Variants in ABCC1 observed in about 807,000 individuals in gnomAD.
ABCC1 encodes the protein ATP binding cassette subfamily C member 1 (ABCC1 blood group), also known as multidrug resistance-associated protein 1.
In ABCC1, 83 loss-of-function variants were observed where a neutral mutation model predicts 172.9. The ratio of observed to expected loss-of-function variants is 0.48; its 90% confidence interval spans 0.40 to 0.58. The LOEUF (loss-of-function observed/expected upper bound fraction) is 0.58, where lower values mean the gene tolerates loss of function less well. Among genes scored for constraint, ABCC1 ranks in the 20% least tolerant of loss-of-function variants. ABCC1 has a pLI of 0.00. For missense variants in ABCC1, 1,817 were observed against 2,002.7 expected (o/e 0.91, Z 1.77); for synonymous variants, 937 against 825.2 (o/e 1.14, Z -2.32).
intron 1 of ABCC1, among the ~76,000 whole-genome samples, chr16:15,970,450 T>G (rs2046341053): frequency 6.6e-6 from 1 of 152,226 alleles, no homozygotes; most frequent in African/African-American, 2.4e-5. Context: ...GCTGAAGATG[T>G]TACTCAGGGA....
chr16:16,114,835 TG>T lies in ABCC1; in HGVS notation c.3151del (p.Asp1051ThrfsTer11). On this transcript the variant is annotated frameshift_variant, in exon 23 of 31. Coordinates refer to ENST00000399410, the MANE Select transcript of ABCC1 (RefSeq NM_004996.4). LOFTEE classifies it high-confidence loss of function. ...GGILASRCLH[V>X]DLLHSILRSP... ...ATCTTGGCTTCCCGCTGTCTGCACG[TG>T]GACCTGCTGCACAGCATCCTGCGGT... 6.2e-7 allele frequency: 1 copy of T among 1,613,022 alleles called. No homozygotes were observed. Among genetic ancestry groups the T allele is most frequent in the Middle Eastern group, 1.7e-4 (1 of 6,060 alleles).
intron 1 of ABCC1, among the ~76,000 whole-genome samples, chr16:15,999,836 C>CTCTTTCTTTCTTTCTTTCTT (rs375541317): frequency 0.046 from 776 of 16,834 alleles, 92 homozygotes; most frequent in African/African-American, 0.058. Context: ...CTCTCTCTGT[C>CTCTTTCTTTCTTTCTTTCTT]TCTTTCTTTC....
chr16:15,972,482 C>T (rs770353096), intron 1 of ABCC1, among the ~76,000 whole-genome samples: 1 of 152,142 alleles, frequency 6.6e-6, no homozygotes, highest in Non-Finnish European at 1.5e-5. Flanking sequence ...CTCAAGGCCC[C>T]TAAATGGCTG....
chr16:16,093,979 CTTTTTTTTTTT>C (rs578261751), intron 19 of ABCC1, among the ~76,000 whole-genome samples: 1 of 106,658 alleles, frequency 9.4e-6, no homozygotes, highest in African/African-American at 4.0e-5. Flanking sequence ...TCCCTCTCTC[CTTTTTTTTTTT>C]TTTTTTTTTT....
At chr16:15,952,450 G>A (rs950525001) in intron 1 of ABCC1, among the ~76,000 whole-genome samples, 5 of 151,978 alleles carry the variant, frequency 3.3e-5, no homozygotes, top group African/African-American at 4.8e-5. Context: ...GCTACTGTCT[G>A]CCTCTGAGCC....
chr16:16,076,210 A>G (rs1596466386), intron 14 of ABCC1, 116 bp from the exon 15 acceptor site: 1 of 973,528 alleles, frequency 1.0e-6, no homozygotes, highest in East Asian at 2.8e-5. Flanking sequence ...AATAATGCCT[A>G]GCGCCATTCG....
intron 30 of ABCC1, 128 bp downstream of exon 30, chr16:16,138,686 T>A: frequency 1.7e-6 from 1 of 571,874 alleles, no homozygotes; most frequent in Non-Finnish European, 2.7e-6. Context: ...GTGGATCCTC[T>A]CTTCATCCTG....
chr16:15,966,776 G>A (rs994975131), intron 1 of ABCC1, among the ~76,000 whole-genome samples: 2 of 150,428 alleles, frequency 1.3e-5, no homozygotes, highest in African/African-American at 4.9e-5. Context: ...TTACCCTCCC[G>A]AGTGTCTTGG....
rs549742677 is a variant in ABCC1, at chr16:15,951,635, T to C, written c.48+1836T>C. On this transcript the variant is annotated intron_variant, in intron 1 of 30. Coordinates refer to ENST00000399410, the MANE Select transcript of ABCC1 (RefSeq NM_004996.4). ...TGGGGCCTGAGTGGGAAAATTGAAA[T>C]ATAATTAACTGAAAGCTAGAAAGTA... Among the ~76,000 whole-genome samples the C allele has an allele frequency of 7.9e-5, 12 of 152,226 alleles. No homozygotes were observed. In the East Asian group the frequency reaches 1.2e-3, roughly 15 times the overall value.
At chr16:16,068,871 C>T in intron 13 of ABCC1, among the ~76,000 whole-genome samples, 1 of 151,840 alleles carries the variant, frequency 6.6e-6, no homozygotes, top group African/African-American at 2.4e-5. Flanking sequence ...CCTGTAATCC[C>T]AGCTACTCGG....
chr16:16,007,106 T>C (rs1438797987), intron 1 of ABCC1, among the ~76,000 whole-genome samples: 1 of 152,104 alleles, frequency 6.6e-6, no homozygotes, highest in Non-Finnish European at 1.5e-5. Flanking sequence ...GCTCTCTCCA[T>C]CTTTCGTACT....
intron 1 of ABCC1, among the ~76,000 whole-genome samples, chr16:15,976,159 C>T (rs1033304052): frequency 5.9e-5 from 9 of 152,058 alleles, no homozygotes; most frequent in South Asian, 4.2e-4. Context: ...CCCAGCTACT[C>T]GGGAGGCTGA....
intron 1 of ABCC1, among the ~76,000 whole-genome samples, chr16:15,957,550 C>T (rs1294419383): frequency 6.6e-6 from 1 of 152,106 alleles, no homozygotes; most frequent in South Asian, 2.1e-4. Flanking sequence ...CACCACTGTG[C>T]TGGTTTGGCT....
intron 23 of ABCC1, among the ~76,000 whole-genome samples, chr16:16,120,015 G>A (rs2238476): frequency 0.053 from 8,023 of 152,202 alleles, 314 homozygotes; most frequent in Admixed American, 0.13. Flanking sequence ...GCGTGGGGTT[G>A]TGCGGTACCT....
chr16:15,975,502 C>T (rs554517981), intron 1 of ABCC1, among the ~76,000 whole-genome samples: 2 of 152,136 alleles, frequency 1.3e-5, no homozygotes, highest in East Asian at 3.9e-4. Context: ...GATTGCTCTT[C>T]AGATAGATTT....
intron 23 of ABCC1, among the ~76,000 whole-genome samples, chr16:16,120,006 C>T (rs1160006400): frequency 2.6e-5 from 4 of 151,742 alleles, no homozygotes; most frequent in South Asian, 2.1e-4. Context: ...TCTGAGACTG[C>T]GTGGGGTTGT....
chr16:16,106,758 C>G lies in ABCC1; in HGVS notation c.2756C>G (p.Ser919Cys). 1 of 1,614,064 alleles carries G rather than the reference C, an allele frequency of 6.2e-7. No individual in the cohort carries two copies. ...TCCAGACAGCTCAGCAGCTCCTCCT[C>G]CTATAGTGGGGACATCAGCAGGCAC... ...QLQRQLSSSS[S>C]YSGDISRHHN... Residue 919 changes from serine (S) to cysteine (C), a missense_variant, in exon 21 of 31, where the codon TCC becomes TGC. This residue lies in a region of ABCC1 where 1,412 missense variants were observed against 1,600.3 expected (regional missense o/e 0.88). Coordinates refer to ENST00000399410, the MANE Select transcript of ABCC1 (RefSeq NM_004996.4).
intron 1 of ABCC1, among the ~76,000 whole-genome samples, chr16:15,980,353 C>CA (rs1221755463): frequency 6.6e-6 from 1 of 152,102 alleles, no homozygotes; most frequent in Non-Finnish European, 1.5e-5. Flanking sequence ...AGTCTGTTCT[C>CA]ACGCTGCTAT....
chr16:15,963,638 G>T (rs1191136161), intron 1 of ABCC1, among the ~76,000 whole-genome samples: 1 of 152,210 alleles, frequency 6.6e-6, no homozygotes. Context: ...CTTGGGGCTT[G>T]CACCCTCTGA....
Sources: gnomAD v4.1 joint callset for allele counts (sites outside exome capture counted in the v4.1 genomes callset) on GRCh38, gnomAD v4.1.1 for gene constraint, gnomAD v4.1.1 regional missense constraint, MANE v1.5 for transcripts, NCBI Gene and HGNC (gene_info 2026-07-23, HGNC 2026-07-21) for gene names.